Variants in CAMK2D observed in about 807,000 individuals in gnomAD.
CAMK2D encodes calcium/calmodulin dependent protein kinase II delta, also known as calcium/calmodulin-dependent protein kinase type II subunit delta.
A neutral mutation model predicts 84.0 loss-of-function variants in CAMK2D; 37 were observed. The ratio of observed to expected loss-of-function variants is 0.44; its 90% CI spans 0.34 to 0.58. The LOEUF is 0.58. CAMK2D is among the 20% of genes least tolerant of loss of function. The pLI is 0.02. For missense variants in CAMK2D, 448 were observed against 652.5 expected, an observed-to-expected ratio of 0.69 and a Z score of 3.41; for synonymous variants, 202 against 212.5, an observed-to-expected ratio of 0.95 and a Z score of 0.43.
chr4:113,488,105 G>T (rs1406244156), intron 16 of CAMK2D, among the ~76,000 whole-genome samples: 1 of 151,824 alleles, frequency 6.6e-6, no homozygotes, highest in Non-Finnish European at 1.5e-5. Context: ...AAATAAAGAA[G>T]ATAGAAGGAA....
chr4:113,753,136 G>C (rs977989100), intron 2 of CAMK2D, among the ~76,000 whole-genome samples: 6 of 152,048 alleles, frequency 3.9e-5, no homozygotes, highest in South Asian at 2.1e-4. Context: ...CCTTATACAA[G>C]AGCCTCAGTA....
At chr4:113,575,954 A>G (rs958508026) in intron 4 of CAMK2D, among the ~76,000 whole-genome samples, 1 of 152,166 alleles carries the variant, frequency 6.6e-6, no homozygotes, top group African/African-American at 2.4e-5. Flanking sequence ...GCTATTTTTT[A>G]AAAGAGAAGC....
At chr4:113,459,350 C>T (rs2097343165) in intron 18 of CAMK2D, among the ~76,000 whole-genome samples, 1 of 152,064 alleles carries the variant, frequency 6.6e-6, no homozygotes, top group African/African-American at 2.4e-5. Flanking sequence ...TCCCAAGTAG[C>T]TGGGACTATA....
intron 2 of CAMK2D, among the ~76,000 whole-genome samples, chr4:113,758,703 T>C (rs2099634149): frequency 6.6e-6 from 1 of 152,194 alleles, no homozygotes; most frequent in African/African-American, 2.4e-5. Context: ...GAGTATGAAT[T>C]ATCTCTGTAC....
At chr4:113,745,564 A>T (rs958917954) in intron 2 of CAMK2D, among the ~76,000 whole-genome samples, 5 of 152,204 alleles carry the variant, frequency 3.3e-5, no homozygotes, top group African/African-American at 9.7e-5. Flanking sequence ...TAATACAAAT[A>T]GTTTTTCTCT....
intron 4 of CAMK2D, among the ~76,000 whole-genome samples, chr4:113,603,771 T>TATATATATATATATATATATATATA (rs1561290012): frequency 4.6e-5 from 4 of 86,948 alleles, no homozygotes; most frequent in Admixed American, 1.5e-4. Context: ...TTTCTTGCTA[T>TATATATATATATATATATATATATA]TTTATATATA....
At chr4:113,463,699 A>C (rs1460415637) in intron 17 of CAMK2D, among the ~76,000 whole-genome samples, 2 of 152,162 alleles carry the variant, frequency 1.3e-5, no homozygotes, top group Non-Finnish European at 2.9e-5. Flanking sequence ...TTACTTTTTT[A>C]GTTGTAATAA....
At chr4:113,546,730 A>G (rs998210221) in intron 6 of CAMK2D, among the ~76,000 whole-genome samples, 2 of 152,240 alleles carry the variant, frequency 1.3e-5, no homozygotes, top group Non-Finnish European at 2.9e-5. Flanking sequence ...TCAAAACTAT[A>G]TACAGTGCTC....
chr4:113,713,459 A>C (rs1223944524), intron 2 of CAMK2D, among the ~76,000 whole-genome samples: 1 of 148,194 alleles, frequency 6.7e-6, no homozygotes, highest in Non-Finnish European at 1.5e-5. Context: ...AGTTTGCATT[A>C]TTATATGTAA....
At chr4:113,607,408 A>T (rs936476034) in intron 4 of CAMK2D, among the ~76,000 whole-genome samples, 2 of 152,128 alleles carry the variant, frequency 1.3e-5, no homozygotes, top group African/African-American at 4.8e-5. Context: ...CAGGCCTCTG[A>T]GCCCAAGCCT....
At chr4:113,548,356 C>CAGGCAAATGCTGGGCAATTCAAGAA (rs2098599315) in intron 5 of CAMK2D, among the ~76,000 whole-genome samples, 1 of 152,260 alleles carries the variant, frequency 6.6e-6, no homozygotes, top group East Asian at 1.9e-4. Context: ...AGTTTATCTC[C>CAGGCAAATGCTGGGCAATTCAAGAA]AGGCAAATGC....
intron 3 of CAMK2D, among the ~76,000 whole-genome samples, chr4:113,627,270 C>A (rs2099072063): frequency 6.6e-6 from 1 of 152,078 alleles, no homozygotes; most frequent in Admixed American, 6.6e-5. Flanking sequence ...CAATTTATAT[C>A]ATTTTTCCAT....
chr4:113,461,918 T>TA (rs1486247116), intron 17 of CAMK2D, among the ~76,000 whole-genome samples: 1 of 152,206 alleles, frequency 6.6e-6, no homozygotes. Context: ...AGAATACCTT[T>TA]AAAAAGTAGA....
chr4:113,531,220 T>C lies in CAMK2D; in HGVS notation c.597A>G (p.Ala199=), dbSNP rs2098455996. The C allele has an allele frequency of 6.5e-7, 1 of 1,548,492 alleles. No homozygotes were observed. The highest frequency in any genetic ancestry group is 1.7e-5 in the Admixed American group (1 of 59,882). The change falls in exon 8 of 21, where the codon GCA becomes GCG. Residue 199 remains alanine (A), a synonymous_variant. Transcript: ENST00000511664. The part of the protein sequence containing the change: ...DPYGKPVDMW[A]CGVILYILLV... ...CTTCAAAATATAATTGCTTACCACA[T>C]GCCCACATATCCACTGGCTTTCCAT...
At chr4:113,732,875 A>G (rs1219714274) in intron 2 of CAMK2D, among the ~76,000 whole-genome samples, 4 of 152,178 alleles carry the variant, frequency 2.6e-5, no homozygotes, top group Non-Finnish European at 5.9e-5. Context: ...TTAGGAATAT[A>G]GATATATTAG....
At chr4:113,684,878 C>A (rs905182722) in intron 2 of CAMK2D, among the ~76,000 whole-genome samples, 1 of 152,190 alleles carries the variant, frequency 6.6e-6, no homozygotes, top group African/African-American at 2.4e-5. Context: ...AGCAATGACA[C>A]AAGCAACAGC....
At chr4:113,510,178 G>A (rs2154161002) in intron 12 of CAMK2D, among the ~76,000 whole-genome samples, 1 of 152,192 alleles carries the variant, frequency 6.6e-6, no homozygotes, top group East Asian at 1.9e-4. Context: ...TTACATTCTT[G>A]AAGTCAGACA....
intron 16 of CAMK2D, among the ~76,000 whole-genome samples, chr4:113,494,842 G>A (rs1301424168): frequency 2.0e-5 from 3 of 152,236 alleles, no homozygotes; most frequent in Non-Finnish European, 4.4e-5. Flanking sequence ...TAATCTCCTG[G>A]TGCGCCGTTT....
intron 4 of CAMK2D, among the ~76,000 whole-genome samples, chr4:113,558,627 T>C (rs957396098): frequency 6.6e-5 from 10 of 152,186 alleles, no homozygotes; most frequent in African/African-American, 2.4e-4. Flanking sequence ...CTTCTGTGGA[T>C]AGTGAGGAAC....
Sources: gnomAD v4.1 joint callset for allele counts (sites outside exome capture counted in the v4.1 genomes callset) on GRCh38, gnomAD v4.1.1 for gene constraint, MANE v1.5 for transcripts, NCBI Gene and HGNC (gene_info 2026-07-23, HGNC 2026-07-21) for gene names.